KCNH3: variants seen among roughly 807,000 people sequenced by gnomAD.
The protein encoded by KCNH3 is potassium voltage-gated channel subfamily H member 3, also known as voltage-gated inwardly rectifying potassium channel KCNH3.
KCNH3 carries 36 observed loss-of-function variants against 95.6 expected under a neutral mutation model. That is an observed-to-expected ratio of 0.38 (90% CI 0.29 to 0.50). The LOEUF (loss-of-function observed/expected upper bound fraction) is 0.50, where lower values mean the gene tolerates loss of function less well. Ranked by LOEUF, KCNH3 falls within the 20% of genes least tolerant of loss-of-function variation. The pLI, the probability that KCNH3 is intolerant of heterozygous loss-of-function variation, is 0.95. For missense variants in KCNH3, 1,030 were observed against 1,484.1 expected, an observed-to-expected ratio of 0.69 and a Z score of 5.03; for synonymous variants, 620 against 646.3, an observed-to-expected ratio of 0.96 and a Z score of 0.62.
intron 3 of KCNH3, 105 bp downstream of exon 3, chr12:49,541,869 T>C (rs934505146): frequency 1.6e-6 from 2 of 1,229,544 alleles, no homozygotes; most frequent in Non-Finnish European, 2.3e-6. Context: ...CCTGCATTCA[T>C]TTCACTCCCA....
rs1260524462 is a variant in KCNH3 at position 49,542,594 on chromosome 12, G to A, written c.446-112G>A. 8 of 1,256,862 alleles carry A rather than the reference G, an allele frequency of 6.4e-6. No homozygotes were observed. The East Asian group carries it at 1.5e-4, about 24-fold the overall frequency. The allele number at this position is 1,256,862 out of a possible 1,614,324, so 77.9% of individuals were successfully genotyped here. A position where few individuals can be genotyped will look rare whatever the true frequency, so the allele number is the denominator to read the frequency against. The stretch of plus-strand genomic sequence containing the variant: ...GCCCCCAACTCTAAACATTCTAAGT[G>A]GTCAATGAGCCAGACCAGTCCATGG... On this transcript the variant is annotated intron_variant, in intron 3 of 14. Transcript: ENST00000257981.
At chr12:49,542,451 C>T (rs138566308) in intron 3 of KCNH3, among the ~76,000 whole-genome samples, 22 of 152,334 alleles carry the variant, frequency 1.4e-4, no homozygotes, top group Admixed American at 6.5e-4. Flanking sequence ...CCGTAGAGAT[C>T]CTCTGGTCCA....
intron 10 of KCNH3, among the ~76,000 whole-genome samples, chr12:49,551,050 G>A (rs1297367286): frequency 3.3e-5 from 5 of 152,210 alleles, no homozygotes; most frequent in Non-Finnish European, 7.3e-5. Context: ...CATAGCAGGA[G>A]ACCAAGGTCA....
At chr12:49,548,834 G>A in intron 7 of KCNH3, 61 bp from the exon 8 acceptor site, 1 of 1,475,590 alleles carries the variant, frequency 6.8e-7, no homozygotes, top group Non-Finnish European at 9.0e-7. Context: ...CCCACCCCCA[G>A]GGCCCGGCAT....
At position 49,558,238 on chromosome 12, in the gene KCNH3, A is replaced by C; in HGVS notation, c.*285A>C. 2.5e-6 allele frequency: 1 copy of C among 396,078 alleles called. No homozygotes were observed. The highest frequency in any genetic ancestry group is 4.4e-6 in the Non-Finnish European group (1 of 225,536). The allele number at this position is 396,078 out of a possible 1,614,324, so 24.5% of individuals were successfully genotyped here. ...AAGGAAGAGCTTTGCCATCCCCTGCATGTGCCCCTGCCTCTACCTGTCCCC... is the reference window on the plus strand; with the variant it reads ...AAGGAAGAGCTTTGCCATCCCCTGCCTGTGCCCCTGCCTCTACCTGTCCCC... On this transcript the variant is annotated 3_prime_UTR_variant, in exon 15 of 15. Coordinates refer to ENST00000257981, the MANE Select transcript of KCNH3 (RefSeq NM_012284.3).
At position 49,539,236 on chromosome 12, in the gene KCNH3, G is replaced by A. The variant is rs1565771847; in HGVS notation, c.-181G>A. 2 of 182,888 alleles carry A rather than the reference G, an allele frequency of 1.1e-5. No homozygotes were observed. Among genetic ancestry groups the A allele is most frequent in the African/African-American group, 2.4e-5 (1 of 41,816 alleles). The allele number at this position is 182,888 out of a possible 1,614,324, so 11.3% of individuals were successfully genotyped here. On this transcript the variant is annotated 5_prime_UTR_variant, in exon 1 of 15. Coordinates refer to ENST00000257981, the MANE Select transcript of KCNH3 (RefSeq NM_012284.3). This position sits in a 1 kb window ranked among gnomAD's most constrained non-coding sequence, Gnocchi z 6.7. ...GCGCCATGCTCCGGGCCCCGACGGC[G>A]CGGACGCCCCCTCGCGCGCCAGCGT...
Position 49,550,297 on chromosome 12 carries a change from T to C in KCNH3, c.1886T>C (p.Val629Ala). 6.2e-7 allele frequency: 1 copy of C among 1,608,114 alleles called. No homozygotes were observed. Residue 629 changes from valine (V) to alanine (A), a missense_variant, in exon 10 of 15, where the codon GTG becomes GCG. Physicochemically the swap from Val to Ala is moderately conservative, Grantham distance 64 (BLOSUM62 0). Coordinates refer to ENST00000257981, the MANE Select transcript of KCNH3 (RefSeq NM_012284.3). ...TTTGTCTGCTCTGGCTCCATGGAGG[T>C]GCTCAAGGGTGGCACCGTGCTCGCC... ...LYFVCSGSME[V>A]LKGGTVLAIL... is the part of the protein sequence containing the mutation.
intron 3 of KCNH3, 55 bp from the exon 4 acceptor site, chr12:49,542,651 G>A: frequency 6.6e-7 from 1 of 1,520,576 alleles, no homozygotes; most frequent in Non-Finnish European, 8.8e-7. Flanking sequence ...CTGACCCGGA[G>A]CTAGGGTGTG....
At chr12:49,550,043 T>TTGCCCCCCCC in intron 9 of KCNH3, 37 bp from the exon 10 acceptor site, 15 of 1,299,524 alleles carry the variant, frequency 1.2e-5, no homozygotes, top group Non-Finnish European at 1.5e-5. Flanking sequence ...CTTCTGCCAC[T>TTGCCCCCCCC]CCCAACCCCC....
chr12:49,551,673 T>C (rs912171074), intron 10 of KCNH3, among the ~76,000 whole-genome samples: 2 of 149,584 alleles, frequency 1.3e-5, no homozygotes, highest in Non-Finnish European at 3.0e-5. Context: ...GCGGGGAACA[T>C]GTGACCGGTG....
chr12:49,558,069 A>C lies in KCNH3; in HGVS notation c.*116A>C. 1.5e-5 allele frequency: 18 copies of C among 1,212,122 alleles called. No homozygotes were observed. Among genetic ancestry groups the C allele is most frequent in the South Asian group, 2.6e-5 (1 of 37,896 alleles). 75.1% of individuals were successfully genotyped at this position (1,212,122 alleles called of 1,614,324 possible). A position where few individuals can be genotyped will look rare whatever the true frequency, so the allele number is the denominator to read the frequency against. ...CGGACTCCATGCGGCCCGCTGGCTC[A>C]GGGCAGGGAGCCTGGAAGCAAAGGA... is the stretch of plus-strand genomic sequence containing the variant. On this transcript the variant is annotated 3_prime_UTR_variant, in exon 15 of 15. Transcript: ENST00000257981.
In KCNH3 at chr12:49,543,533, C is replaced by T. The variant is rs768772499; in HGVS notation, c.823+15C>T. 6.3e-7 allele frequency: 1 copy of T among 1,583,378 alleles called. No individual in the cohort carries two copies. The highest frequency in any genetic ancestry group is 8.6e-7 in the Non-Finnish European group (1 of 1,167,542). ...CTTCATCCTTGGTGCGTGCACTCTG[C>T]CCCTTCCGCCCCACCCTTTGCTGGC... is the stretch of plus-strand genomic sequence containing the variant. On this transcript the variant is annotated intron_variant, in intron 5 of 14. Coordinates refer to ENST00000257981, the MANE Select transcript of KCNH3 (RefSeq NM_012284.3).
rs377373409 is a variant in KCNH3 at position 49,557,187 on chromosome 12, C to T, written c.2580C>T (p.Ser860=). ...ACCCCATCCTACTACCCACAGAGAG[C>T]GGCCTGCTCACTGTTCCCCATGGGC... is the stretch of plus-strand genomic sequence containing the variant. ...CSSSPSPGPE[S]GLLTVPHGPS... Residue 860 remains serine (S), a synonymous_variant, in exon 14 of 15, where the codon AGC becomes AGT. Coordinates refer to ENST00000257981, the MANE Select transcript of KCNH3 (RefSeq NM_012284.3). 167 of 1,613,962 alleles carry T rather than the reference C, an allele frequency of 1.0e-4. No individual in the cohort carries two copies. Among genetic ancestry groups the T allele is most frequent in the Middle Eastern group, 8.2e-4 (5 of 6,062 alleles).
At chr12:49,546,901 T>C (rs1938081379) in intron 7 of KCNH3, among the ~76,000 whole-genome samples, 1 of 152,184 alleles carries the variant, frequency 6.6e-6, no homozygotes, top group Non-Finnish European at 1.5e-5. Context: ...TCCAATTTTA[T>C]TTTATTTTTT....
intron 7 of KCNH3, among the ~76,000 whole-genome samples, chr12:49,545,969 T>A (rs1938048324): frequency 6.6e-6 from 1 of 151,934 alleles, no homozygotes; most frequent in Non-Finnish European, 1.5e-5. Context: ...TCAGCTGCTC[T>A]GGGGTCAGAC....
In KCNH3 at chr12:49,548,133, T is replaced by TGTGTGC. The variant is rs1380200472; in HGVS notation, c.1190-761_1190-760insTGTGCG. On this transcript the variant is annotated intron_variant, in intron 7 of 14. Transcript: ENST00000257981. Reference sequence around the variant, plus strand: ...GTGTGTGTGTGTGTGTGTGTGTGTGTGCGCGCGCACCTGTGTGAATGTATT... The same window carrying TGTGTGC: ...GTGTGTGTGTGTGTGTGTGTGTGTGTGTGTGCGCGCGCGCACCTGTGTGAATGTATT... 2.5e-3 allele frequency among the ~76,000 whole-genome samples: 368 copies of TGTGTGC among 146,408 alleles called. 3 individuals are homozygous for TGTGTGC. The highest frequency in any genetic ancestry group is 3.5e-3 in the Middle Eastern group (1 of 282).
At chr12:49,551,807 A>T (rs975404289) in intron 10 of KCNH3, among the ~76,000 whole-genome samples, 5 of 152,142 alleles carry the variant, frequency 3.3e-5, no homozygotes, top group African/African-American at 1.2e-4. Flanking sequence ...CCTGGGGCTG[A>T]GGTTTCTCAT....
intron 13 of KCNH3, chr12:49,556,827 G>A: frequency 3.1e-6 from 2 of 643,744 alleles, no homozygotes; most frequent in Admixed American, 2.1e-5. Flanking sequence ...TAACTGAAGG[G>A]ATAGAGGGCT....
rs1200816751 is a variant in KCNH3 at position 49,544,397 on chromosome 12, C to T, written c.1189+15C>T. On this transcript the variant is annotated intron_variant, in intron 7 of 14. Coordinates refer to ENST00000257981, the MANE Select transcript of KCNH3 (RefSeq NM_012284.3). ...GCCTGAGATTGGTACTGGAGGCTCC[C>T]TCTGCATGTGGTGGGGAGGGAGTTG... 3 of 1,610,972 alleles carry T rather than the reference C, an allele frequency of 1.9e-6. No homozygotes were observed. Among genetic ancestry groups the T allele is most frequent in the African/African-American group, 1.3e-5 (1 of 74,908 alleles).
Sources: allele counts gnomAD v4.1 joint callset (sites outside exome capture counted in the v4.1 genomes callset), GRCh38; gene constraint gnomAD v4.1.1; non-coding constraint Gnocchi (gnomAD v3.1); transcripts MANE v1.5; gene names NCBI Gene and HGNC (gene_info 2026-07-23, HGNC 2026-07-21).